The following GBE1 variants were observed in gnomAD, a reference collection of about 807,000 sequenced individuals.
The protein encoded by GBE1 is 1,4-alpha-glucan branching enzyme 1.
GBE1 carries 70 observed loss-of-function variants against 88.8 expected under a neutral mutation model. The observed-to-expected ratio is 0.79, with a 90% CI of 0.65 to 0.96. The LOEUF is 0.96. Among genes scored for constraint, GBE1 ranks in the 40% least tolerant of loss-of-function variants. The probability of loss-of-function intolerance (pLI) is 0.00; values close to 1 mark genes in which losing one functional copy is unlikely to be tolerated. For missense variants in GBE1, 872 were observed against 871.0 expected (o/e 1.00, Z -0.01); for synonymous variants, 284 against 300.1 (o/e 0.95, Z 0.56).
chr3:81,529,063 A>C, intron 14 of GBE1, among the ~76,000 whole-genome samples: 1 of 151,740 alleles, frequency 6.6e-6, no homozygotes, highest in South Asian at 2.1e-4. Context: ...TTGTTGTGAA[A>C]TTGATTGGTG....
At chr3:81,707,881 C>T (rs183240547) in intron 1 of GBE1, among the ~76,000 whole-genome samples, 1 of 151,904 alleles carries the variant, frequency 6.6e-6, no homozygotes, top group Non-Finnish European at 1.5e-5. Context: ...TTTCTTTAAC[C>T]TGCTATCTAA....
At chr3:81,593,055 T>C (rs1432375134) in intron 8 of GBE1, among the ~76,000 whole-genome samples, 1 of 152,056 alleles carries the variant, frequency 6.6e-6, no homozygotes, top group Non-Finnish European at 1.5e-5. Context: ...TAGTGAACAT[T>C]TGGCCATTAA....
chr3:81,588,062 A>G (rs1241061989), intron 9 of GBE1, among the ~76,000 whole-genome samples: 1 of 151,068 alleles, frequency 6.6e-6, no homozygotes, highest in Non-Finnish European at 1.5e-5. Flanking sequence ...ATAAAAGACT[A>G]TCACATACCA....
intron 7 of GBE1, among the ~76,000 whole-genome samples, chr3:81,608,804 T>C (rs1052514261): frequency 6.6e-6 from 1 of 152,110 alleles, no homozygotes; most frequent in Non-Finnish European, 1.5e-5. Flanking sequence ...TTTGGTAGGG[T>C]AGAGGGTAGT....
intron 12 of GBE1, among the ~76,000 whole-genome samples, chr3:81,545,388 G>A (rs1444048909): frequency 6.6e-5 from 10 of 152,094 alleles, no homozygotes; most frequent in South Asian, 4.1e-4. Flanking sequence ...AAGATTTGAC[G>A]TTTTCCTCTA....
In GBE1 at chr3:81,593,949, A is replaced by G. The variant is rs1191005567; in HGVS notation, c.1067T>C (p.Phe356Ser). 1.9e-6 allele frequency: 3 copies of G among 1,585,480 alleles called. No individual in the cohort carries two copies. The highest frequency in any genetic ancestry group is 2.7e-5 in the African/African-American group (2 of 74,392). ...ATAAAGCATGGACGTAACACCATCA[A>G]AACGAAATCCATCAAAGCGATATTC... ...LEEYRFDGFR[F>S]DGVTSMLYHH... is the part of the protein sequence containing the mutation. Residue 356 changes from phenylalanine (F) to serine (S), a missense_variant, in exon 8 of 16, where the codon TTT becomes TCT. Physicochemically the swap from Phe to Ser is radical, Grantham distance 155. Transcript: ENST00000429644.
chr3:81,667,233 T>G (rs1462029497), intron 3 of GBE1, among the ~76,000 whole-genome samples: 1 of 152,176 alleles, frequency 6.6e-6, no homozygotes, highest in African/African-American at 2.4e-5. Flanking sequence ...CATTCATGAT[T>G]TGGCTCTCTG....
chr3:81,630,384 T>C (rs1267962721), intron 7 of GBE1, among the ~76,000 whole-genome samples: 4 of 152,154 alleles, frequency 2.6e-5, no homozygotes, highest in African/African-American at 9.7e-5. Flanking sequence ...CCAATGTCTT[T>C]CTTCACAGAA....
chr3:81,496,793 G>C (rs558119199), intron 15 of GBE1, among the ~76,000 whole-genome samples: 1 of 151,974 alleles, frequency 6.6e-6, no homozygotes, highest in South Asian at 2.1e-4. Flanking sequence ...TATTTTACTC[G>C]TCTGTGTGGG....
intron 8 of GBE1, among the ~76,000 whole-genome samples, chr3:81,591,914 TCTTATA>T (rs1307184990): frequency 5.3e-5 from 8 of 152,128 alleles, no homozygotes; most frequent in Non-Finnish European, 1.2e-4. Flanking sequence ...ATTATGGAAG[TCTTATA>T]CTTCAAGTTC....
At position 81,599,358 on chromosome 3, in the gene GBE1, G is replaced by A. The variant is rs142049281; in HGVS notation, c.993-5335C>T. On this transcript the variant is annotated intron_variant, in intron 7 of 15. Transcript: ENST00000429644. ...TGTGTGTAGGAATTGACAGTGGACA[G>A]CAGTGAGAACAAAAGTGAAGGCTAT... 2.3e-3 allele frequency among the ~76,000 whole-genome samples: 357 copies of A among 152,018 alleles called. 3 individuals carry two copies. The highest frequency in any genetic ancestry group is 8.2e-3 in the African/African-American group (341 of 41,496).
intron 2 of GBE1, among the ~76,000 whole-genome samples, chr3:81,700,251 C>T (rs1413359327): frequency 6.6e-6 from 1 of 152,074 alleles, no homozygotes; most frequent in East Asian, 1.9e-4. Flanking sequence ...GAAACAGAAT[C>T]CAAAAGAAGC....
Position 81,490,396 on chromosome 3 carries a change from A to T in GBE1, c.*11T>A. ...CAAATCTGCATCTGGTGGAGCTGAA[A>T]TCAGGCCTCTTCAATTCGGCAGATC... On this transcript the variant is annotated 3_prime_UTR_variant, in exon 16 of 16. Transcript: ENST00000429644. 6.2e-7 allele frequency: 1 copy of T among 1,609,862 alleles called. No homozygotes were observed. Among genetic ancestry groups the T allele is most frequent in the Non-Finnish European group, 8.5e-7 (1 of 1,176,302 alleles).
intron 2 of GBE1, among the ~76,000 whole-genome samples, chr3:81,697,605 C>T (rs749659813): frequency 4.6e-5 from 7 of 152,114 alleles, no homozygotes; most frequent in South Asian, 2.1e-4. Context: ...TGGCCCAGGG[C>T]AGACAACTTC....
At chr3:81,671,311 T>C (rs534909768) in intron 2 of GBE1, among the ~76,000 whole-genome samples, 1 of 152,184 alleles carries the variant, frequency 6.6e-6, no homozygotes, top group South Asian at 2.1e-4. Flanking sequence ...AACAAACAAA[T>C]GTACATGCCA....
chr3:81,709,041 A>C (rs1705815360), intron 1 of GBE1, among the ~76,000 whole-genome samples: 1 of 152,230 alleles, frequency 6.6e-6, no homozygotes, highest in African/African-American at 2.4e-5. Flanking sequence ...CAAGGCAGAA[A>C]GAAACTGTTG....
At chr3:81,608,874 T>C (rs1302449309) in intron 7 of GBE1, among the ~76,000 whole-genome samples, 1 of 152,182 alleles carries the variant, frequency 6.6e-6, no homozygotes, top group Non-Finnish European at 1.5e-5. Flanking sequence ...TAGATTGACA[T>C]AAGACGGATT....
intron 3 of GBE1, among the ~76,000 whole-genome samples, chr3:81,668,253 A>C (rs892689709): frequency 6.6e-6 from 1 of 152,182 alleles, no homozygotes; most frequent in Non-Finnish European, 1.5e-5. Context: ...AGAACGGGTC[A>C]GTAGGTACAG....
intron 14 of GBE1, among the ~76,000 whole-genome samples, chr3:81,528,272 T>C (rs1407470693): frequency 1.3e-5 from 2 of 150,648 alleles, no homozygotes; most frequent in Non-Finnish European, 3.0e-5. Flanking sequence ...ATACCTAATG[T>C]TAAATGACGA....
Sources: gnomAD v4.1 joint callset for allele counts (sites outside exome capture counted in the v4.1 genomes callset) on GRCh38, gnomAD v4.1.1 for gene constraint, MANE v1.5 for transcripts, NCBI Gene and HGNC (gene_info 2026-07-23, HGNC 2026-07-21) for gene names.